Variants in RYK observed in about 807,000 individuals in gnomAD.
The protein encoded by RYK is receptor like tyrosine kinase, also known as inactive tyrosine-protein kinase RYK.
A neutral mutation model predicts 70.2 loss-of-function variants in RYK; 21 were observed. The observed-to-expected ratio is 0.30, with a 90% CI of 0.21 to 0.43. The LOEUF is 0.43. RYK is among the 20% of genes least tolerant of loss of function. The pLI is 1.00. For missense variants in RYK, 604 were observed against 753.3 expected (o/e 0.80, Z 2.32); for synonymous variants, 267 against 278.0 (o/e 0.96, Z 0.39).
At chr3:134,158,899 C>CCTTTATAACTA (rs1259186076) in intron 14 of RYK, among the ~76,000 whole-genome samples, 1 of 152,106 alleles carries the variant, frequency 6.6e-6, no homozygotes, top group South Asian at 2.1e-4. Flanking sequence ...ACTACTATGT[C>CCTTTATAACTA]CTTTATAACT....
At chr3:134,171,862 G>GAA (rs753135273) in intron 13 of RYK, among the ~76,000 whole-genome samples, 1 of 137,222 alleles carries the variant, frequency 7.3e-6, no homozygotes. Flanking sequence ...AGTAGCTAAG[G>GAA]AAAAAAAAAA....
chr3:134,184,293 A>G (rs771504250), intron 9 of RYK, among the ~76,000 whole-genome samples: 2 of 152,198 alleles, frequency 1.3e-5, no homozygotes. Flanking sequence ...ATGTTTTTGA[A>G]ACAAAAACAT....
At chr3:134,241,155 T>G in intron 1 of RYK, among the ~76,000 whole-genome samples, 1 of 130,750 alleles carries the variant, frequency 7.6e-6, no homozygotes, top group African/African-American at 3.0e-5. Flanking sequence ...GCCAACATGG[T>G]GAAACGCCAT....
chr3:134,211,152 G>A (rs2014379896), intron 3 of RYK, among the ~76,000 whole-genome samples: 1 of 152,130 alleles, frequency 6.6e-6, no homozygotes, highest in Non-Finnish European at 1.5e-5. Context: ...GCACTGATGG[G>A]CTTCACGTCA....
chr3:134,233,006 A>G (rs545925650), intron 1 of RYK, among the ~76,000 whole-genome samples: 1 of 152,380 alleles, frequency 6.6e-6, no homozygotes, highest in South Asian at 2.1e-4. Context: ...TCAAAGGAGC[A>G]TTCCCATCCT....
intron 12 of RYK, 64 bp downstream of exon 12, chr3:134,175,866 C>A: frequency 6.5e-7 from 1 of 1,547,532 alleles, no homozygotes; most frequent in African/African-American, 1.4e-5. Flanking sequence ...CTGTGACTCG[C>A]AGAGAACCCC....
At chr3:134,204,971 G>A (rs2014170341) in intron 5 of RYK, among the ~76,000 whole-genome samples, 1 of 152,174 alleles carries the variant, frequency 6.6e-6, no homozygotes, top group African/African-American at 2.4e-5. Context: ...GCACTGGCTT[G>A]GACAAGAGTG....
At chr3:134,221,428 C>T (rs1306210336) in intron 2 of RYK, among the ~76,000 whole-genome samples, 2 of 151,956 alleles carry the variant, frequency 1.3e-5, no homozygotes, top group Non-Finnish European at 2.9e-5. Context: ...TGGTCTCGAT[C>T]TCCTGACCTT....
intron 2 of RYK, among the ~76,000 whole-genome samples, chr3:134,216,922 G>A (rs1226269501): frequency 2.0e-5 from 3 of 151,272 alleles, no homozygotes; most frequent in Non-Finnish European, 1.5e-5. Context: ...TCAGTAGCCT[G>A]CTTTTAAGTG....
chr3:134,236,025 T>C (rs1303449172), intron 1 of RYK, among the ~76,000 whole-genome samples: 3 of 150,782 alleles, frequency 2.0e-5, no homozygotes, highest in Non-Finnish European at 4.4e-5. Flanking sequence ...AAAAGAAAAC[T>C]GGGAACTGGG....
At chr3:134,160,323 G>A (rs926688202) in intron 13 of RYK, among the ~76,000 whole-genome samples, 1 of 151,768 alleles carries the variant, frequency 6.6e-6, no homozygotes, top group African/African-American at 2.4e-5. Context: ...ATATTTTAAT[G>A]AGTAAAAGAG....
chr3:134,197,221 A>G (rs1402287389), intron 6 of RYK, among the ~76,000 whole-genome samples: 2 of 152,222 alleles, frequency 1.3e-5, no homozygotes, highest in Non-Finnish European at 2.9e-5. Flanking sequence ...CTTTGGCTCA[A>G]CGTTATTACA....
chr3:134,247,596 G>C (rs1357768699), intron 1 of RYK, among the ~76,000 whole-genome samples: 1 of 152,032 alleles, frequency 6.6e-6, no homozygotes, highest in Non-Finnish European at 1.5e-5. Context: ...CAACTACTGG[G>C]GAGGCTGAGG....
chr3:134,175,726 G>A lies in RYK; in HGVS notation c.1458C>T (p.Leu486=), dbSNP rs1295473270. The change falls in exon 13 of 15, where the codon CTC becomes CTT. Residue 486 remains leucine, a synonymous_variant. Transcript: ENST00000623711. ...TLQVKITDNA[L]SRDLFPMDYH... ...AGTCCATGGGGAACAAGTCTCTGGA[G>A]AGGGCATTGTCTGTGATCTTAACTT... The A allele has an allele frequency of 3.1e-6, 5 of 1,613,894 alleles. No homozygotes were observed. Among genetic ancestry groups the A allele is most frequent in the Non-Finnish European group, 3.4e-6 (4 of 1,179,804 alleles).
Position 134,157,829 on chromosome 3 carries a change from T to A in RYK, c.*324A>T, listed in dbSNP as rs1405849366. 1 of 186,370 alleles carries A rather than the reference T, an allele frequency of 5.4e-6. No homozygotes were observed. The highest frequency in any genetic ancestry group is 1.3e-4 in the East Asian group (1 of 7,486). The allele number at this position is 186,370 out of a possible 1,614,324, so 11.5% of individuals were successfully genotyped here. A position where few individuals can be genotyped will look rare whatever the true frequency, so the allele number is the denominator to read the frequency against. ...GCACTAAGATAGCTAATTCCAAATA[T>A]CTGTGTCTAAACAATTTTAAAAACT... On this transcript the variant is annotated 3_prime_UTR_variant, in exon 15 of 15. Transcript: ENST00000623711.
chr3:134,188,951 A>T (rs1300317994), intron 8 of RYK, 28 bp from the exon 9 acceptor site: 3 of 1,232,120 alleles, frequency 2.4e-6, no homozygotes, highest in Non-Finnish European at 3.5e-6. Context: ...AATTAATGAG[A>T]TCATACAACA....
chr3:134,231,406 C>T (rs1248722686), intron 1 of RYK, among the ~76,000 whole-genome samples: 2 of 152,106 alleles, frequency 1.3e-5, no homozygotes, highest in Non-Finnish European at 2.9e-5. Flanking sequence ...CAGAAACTAC[C>T]AACTTCAACA....
chr3:134,169,451 A>G (rs1340136526), intron 13 of RYK, among the ~76,000 whole-genome samples: 3 of 152,196 alleles, frequency 2.0e-5, no homozygotes, highest in Non-Finnish European at 4.4e-5. Context: ...TGAAAACACA[A>G]TAAAAACAAT....
chr3:134,211,665 A>G, intron 2 of RYK, 58 bp from the exon 3 acceptor site: 1 of 1,132,968 alleles, frequency 8.8e-7, no homozygotes, highest in Non-Finnish European at 1.3e-6. Context: ...GGATACTATC[A>G]GCTTGACTTC....
Sources: allele counts gnomAD v4.1 joint callset (sites outside exome capture counted in the v4.1 genomes callset), GRCh38; gene constraint gnomAD v4.1.1; transcripts MANE v1.5; gene names NCBI Gene and HGNC (gene_info 2026-07-23, HGNC 2026-07-21).